The following CRACR2A variants were observed in gnomAD, a reference collection of about 807,000 sequenced individuals.
CRACR2A encodes the protein EF-hand calcium-binding domain-containing protein 4B.
Under a neutral mutation model 90.5 loss-of-function variants are expected in CRACR2A, and 79 were observed. The observed-to-expected ratio is 0.87, with a 90% confidence interval of 0.73 to 1.05. The LOEUF (loss-of-function observed/expected upper bound fraction) is 1.05. Ranked by LOEUF, CRACR2A falls within the 50% of genes least tolerant of loss-of-function variation. CRACR2A has a pLI of 0.00. For missense variants in CRACR2A, 823 were observed against 897.2 expected (o/e 0.92, Z 1.06); for synonymous variants, 338 against 356.7 (o/e 0.95, Z 0.59).
chr12:3,698,990 A>C (rs1454396794), intron 3 of CRACR2A, among the ~76,000 whole-genome samples: 1 of 152,154 alleles, frequency 6.6e-6, no homozygotes, highest in South Asian at 2.1e-4. Flanking sequence ...GAGGTTAATA[A>C]TATCTGTCAT....
chr12:3,742,452 G>A (rs564992918), intron 1 of CRACR2A, among the ~76,000 whole-genome samples: 1 of 152,258 alleles, frequency 6.6e-6, no homozygotes, highest in South Asian at 2.1e-4. Flanking sequence ...TGCAGAGGCG[G>A]GGCCAGCTGT....
intron 13 of CRACR2A, chr12:3,640,770 CTGTGGCCATCTA>C (rs754488251): frequency 7.7e-7 from 1 of 1,305,432 alleles, no homozygotes; most frequent in Non-Finnish European, 1.0e-6. Flanking sequence ...CTCTATCTCT[CTGTGGCCATCTA>C]TGTGGACACA....
intron 1 of CRACR2A, among the ~76,000 whole-genome samples, chr12:3,734,524 C>T (rs1375510624): frequency 2.0e-5 from 3 of 152,062 alleles, no homozygotes; most frequent in Non-Finnish European, 4.4e-5. Context: ...AAGTCATCTC[C>T]GCACTCCCGT....
intron 7 of CRACR2A, among the ~76,000 whole-genome samples, chr12:3,670,215 A>C (rs1276962702): frequency 2.0e-5 from 3 of 152,202 alleles, no homozygotes; most frequent in Non-Finnish European, 4.4e-5. Context: ...GACATGCAGC[A>C]GTCGTGACTT....
intron 13 of CRACR2A, among the ~76,000 whole-genome samples, chr12:3,639,934 C>G (rs886168105): frequency 1.3e-5 from 2 of 152,160 alleles, no homozygotes; most frequent in African/African-American, 2.4e-5. Context: ...TTCCCATCTA[C>G]TTTTACTCTG....
chr12:3,680,812 CA>C (rs2137618517), intron 4 of CRACR2A, among the ~76,000 whole-genome samples: 1 of 152,276 alleles, frequency 6.6e-6, no homozygotes, highest in South Asian at 2.1e-4. Flanking sequence ...TGTACAGGAC[CA>C]AATACTTTCA....
chr12:3,643,405 G>C (rs1944608492), intron 12 of CRACR2A, among the ~76,000 whole-genome samples: 1 of 152,162 alleles, frequency 6.6e-6, no homozygotes, highest in Non-Finnish European at 1.5e-5. Context: ...CTGTTGTATG[G>C]AGGGGGGATG....
intron 7 of CRACR2A, among the ~76,000 whole-genome samples, chr12:3,662,590 G>T (rs115292477): frequency 6.6e-6 from 1 of 152,232 alleles, no homozygotes; most frequent in African/African-American, 2.4e-5. Flanking sequence ...GTGCTCCCCA[G>T]GGGGAAGAGA....
intron 6 of CRACR2A, among the ~76,000 whole-genome samples, chr12:3,674,357 A>G (rs1317937422): frequency 1.3e-5 from 2 of 152,216 alleles, no homozygotes; most frequent in Non-Finnish European, 2.9e-5. Flanking sequence ...GCACAGAGGC[A>G]CGTGTGTACA....
At chr12:3,639,061 G>C (rs1944512305) in intron 13 of CRACR2A, among the ~76,000 whole-genome samples, 1 of 152,124 alleles carries the variant, frequency 6.6e-6, no homozygotes, top group South Asian at 2.1e-4. Flanking sequence ...AACATCCTCA[G>C]CAGTGTGAGG....
chr12:3,651,602 A>G (rs1277256218), intron 10 of CRACR2A, among the ~76,000 whole-genome samples: 1 of 152,160 alleles, frequency 6.6e-6, no homozygotes. Context: ...TACCTTGAGC[A>G]TCTTCAGAGA....
chr12:3,689,545 C>G lies in CRACR2A; in HGVS notation c.228+7227G>C, dbSNP rs192345914. 1.7e-3 allele frequency among the ~76,000 whole-genome samples: 252 copies of G among 152,268 alleles called. 1 individual carries two copies. The highest frequency in any genetic ancestry group is 5.7e-3 in the African/African-American group (235 of 41,546). ...CCTTGCATCCCAGGGATAAAGCTTACTTGATCATGGTGAGTAAGCTTTTTG... is the reference window on the plus strand; with the variant it reads ...CCTTGCATCCCAGGGATAAAGCTTAGTTGATCATGGTGAGTAAGCTTTTTG... On this transcript the variant is annotated intron_variant, in intron 4 of 19. Transcript: ENST00000440314.
Position 3,678,771 on chromosome 12 carries a change from G to A in CRACR2A, c.524+144C>T. 3 of 762,138 alleles carry A rather than the reference G, an allele frequency of 3.9e-6. No homozygotes were observed. The South Asian group carries it at 6.7e-5, about 17-fold the overall frequency. The allele number at this position is 762,138 out of a possible 1,614,324, so 47.2% of individuals were successfully genotyped here. A position where few individuals can be genotyped will look rare whatever the true frequency, so the allele number is the denominator to read the frequency against. On this transcript the variant is annotated intron_variant, in intron 6 of 19. Transcript: ENST00000440314. ...CATCACAAAGGACAGGCCCCCACTG[G>A]CAGAACCAGCGGGCCTTTACCTGCA...
chr12:3,725,032 A>G (rs1241998319), intron 2 of CRACR2A, among the ~76,000 whole-genome samples: 1 of 152,180 alleles, frequency 6.6e-6, no homozygotes, highest in East Asian at 1.9e-4. Context: ...CCACAGAATC[A>G]GTGCCCGCTC....
intron 7 of CRACR2A, among the ~76,000 whole-genome samples, chr12:3,670,072 C>T (rs1257689567): frequency 5.9e-5 from 9 of 152,212 alleles, no homozygotes; most frequent in Non-Finnish European, 1.3e-4. Flanking sequence ...TTGGTGTGAT[C>T]ATGAACTCCT....
intron 7 of CRACR2A, among the ~76,000 whole-genome samples, chr12:3,671,356 C>G (rs939652322): frequency 6.6e-6 from 1 of 152,062 alleles, no homozygotes; most frequent in African/African-American, 2.4e-5. Context: ...TGGGGTCAGC[C>G]ACTAATCTAG....
At position 3,735,362 on chromosome 12, in the gene CRACR2A, G is replaced by C. The variant is rs761788377; in HGVS notation, c.-386-2152C>G. On this transcript the variant is annotated intron_variant, in intron 1 of 19. Transcript: ENST00000440314. ...GGTGCGGGGAGACCTGGCGCTGGGAGAGTGTTAGCAAAATGCTCCTCAGAA... is the reference window on the plus strand; with the variant it reads ...GGTGCGGGGAGACCTGGCGCTGGGACAGTGTTAGCAAAATGCTCCTCAGAA... Among the ~76,000 whole-genome samples, 35 of 152,202 alleles carry C rather than the reference G, an allele frequency of 2.3e-4. 1 individual carries two copies. The highest frequency in any genetic ancestry group is 1.3e-4 in the Admixed American group (2 of 15,284).
intron 19 of CRACR2A, among the ~76,000 whole-genome samples, chr12:3,616,435 A>C (rs1167585961): frequency 6.6e-6 from 1 of 152,142 alleles, no homozygotes; most frequent in Non-Finnish European, 1.5e-5. Context: ...GCCTTAAGGA[A>C]CCAGTCTTTT....
Position 3,746,421 on chromosome 12 carries a change from C to T in CRACR2A, c.-387+6594G>A, listed in dbSNP as rs1277706814. ...TCCCCACCCTTCCTCCACCCTCCCT[C>T]TCCCTTCTTCCTCTCCCATTCTCTC... On this transcript the variant is annotated intron_variant, in intron 1 of 19. Coordinates refer to ENST00000440314, the MANE Select transcript of CRACR2A (RefSeq NM_001144958.2). The surrounding 1 kb of genome is among the most constrained non-coding windows in gnomAD (Gnocchi z 4.4). 6.6e-6 allele frequency among the ~76,000 whole-genome samples: 1 copy of T among 152,014 alleles called. No individual in the cohort carries two copies. The highest frequency in any genetic ancestry group is 2.4e-5 in the African/African-American group (1 of 41,378).
Sources: gnomAD v4.1 joint callset for allele counts (sites outside exome capture counted in the v4.1 genomes callset) on GRCh38, gnomAD v4.1.1 for gene constraint, Gnocchi (gnomAD v3.1) non-coding constraint, MANE v1.5 for transcripts, NCBI Gene and HGNC (gene_info 2026-07-23, HGNC 2026-07-21) for gene names.